Variants in RIMKLB observed in about 807,000 individuals in gnomAD.
RIMKLB encodes beta-citrylglutamate synthase B.
A neutral mutation model predicts 32.0 loss-of-function variants in RIMKLB; 7 were observed. The ratio of observed to expected loss-of-function variants is 0.22; its 90% CI spans 0.12 to 0.41. The LOEUF is 0.41. Among genes scored for constraint, RIMKLB ranks in the 10% least tolerant of loss-of-function variants. The pLI, the probability that RIMKLB is intolerant of heterozygous loss-of-function variation, is 1.00. For missense variants in RIMKLB, 289 were observed against 498.7 expected (o/e 0.58, Z 4.00); for synonymous variants, 172 against 185.1 (o/e 0.93, Z 0.57).
intron 1 of RIMKLB, among the ~76,000 whole-genome samples, chr12:8,709,044 G>A (rs117989216): frequency 6.6e-6 from 1 of 152,070 alleles, no homozygotes; most frequent in Non-Finnish European, 1.5e-5. Context: ...AATACTATAC[G>A]GTACTCATCT....
At chr12:8,735,760 C>T (rs763479737) in intron 2 of RIMKLB, among the ~76,000 whole-genome samples, 28 of 149,878 alleles carry the variant, frequency 1.9e-4, no homozygotes, top group African/African-American at 6.4e-4. Context: ...GACGTAGTTT[C>T]GCTCTTATTG....
intron 2 of RIMKLB, among the ~76,000 whole-genome samples, chr12:8,743,612 C>T (rs1442507069): frequency 6.6e-6 from 1 of 151,674 alleles, no homozygotes; most frequent in African/African-American, 2.4e-5. Context: ...TGAGGAGTTC[C>T]CCCACTTAAT....
chr12:8,703,165 A>C (rs981714308), intron 1 of RIMKLB, among the ~76,000 whole-genome samples: 1 of 152,138 alleles, frequency 6.6e-6, no homozygotes, highest in Non-Finnish European at 1.5e-5. Context: ...ACGTGCCTGT[A>C]ATTTCAGCTA....
chr12:8,753,788 G>A, intron 4 of RIMKLB, 102 bp from the exon 5 acceptor site: 1 of 872,928 alleles, frequency 1.1e-6, no homozygotes, highest in Non-Finnish European at 1.8e-6. Flanking sequence ...AAATGTAGTT[G>A]GTTCTGAAAT....
chr12:8,746,610 A>G (rs1230912034), intron 2 of RIMKLB, among the ~76,000 whole-genome samples: 3 of 151,818 alleles, frequency 2.0e-5, no homozygotes, highest in African/African-American at 7.3e-5. Context: ...AAAAAAAAAA[A>G]AAAAAAGAAA....
At chr12:8,730,006 T>G (rs1485249887) in intron 2 of RIMKLB, among the ~76,000 whole-genome samples, 1 of 152,212 alleles carries the variant, frequency 6.6e-6, no homozygotes, top group East Asian at 1.9e-4. Flanking sequence ...ATTCAAGTCC[T>G]TGGGATAATA....
At chr12:8,730,779 G>A (rs1946466268) in intron 2 of RIMKLB, among the ~76,000 whole-genome samples, 3 of 151,948 alleles carry the variant, frequency 2.0e-5, no homozygotes, top group Non-Finnish European at 2.9e-5. Context: ...TTGCTCTGTC[G>A]TCCAGGCTGG....
At chr12:8,712,293 C>T (rs746339785) in intron 1 of RIMKLB, among the ~76,000 whole-genome samples, 1 of 152,090 alleles carries the variant, frequency 6.6e-6, no homozygotes, top group Admixed American at 6.5e-5. Context: ...GGTATGGTGG[C>T]ACATGCTACT....
chr12:8,731,136 G>A (rs975924576), intron 2 of RIMKLB, among the ~76,000 whole-genome samples: 1 of 150,574 alleles, frequency 6.6e-6, no homozygotes. Flanking sequence ...CGCTCTTGTC[G>A]CCCAGGCTGG....
chr12:8,761,131 C>T (rs917436256), intron 5 of RIMKLB, among the ~76,000 whole-genome samples: 1 of 151,920 alleles, frequency 6.6e-6, no homozygotes, highest in South Asian at 2.1e-4. Context: ...GGGCCTTGAG[C>T]TCGGGAGTTT....
At chr12:8,780,368 T>A, downstream of RIMKLB, 1 of 152,202 alleles carries the variant, frequency 6.6e-6, no homozygotes, top group Non-Finnish European at 1.5e-5. Flanking sequence ...TTTTTGGAAA[T>A]TTTCCCAGCT....
intron 2 of RIMKLB, among the ~76,000 whole-genome samples, chr12:8,725,203 G>T (rs1022515003): frequency 1.3e-5 from 2 of 152,140 alleles, no homozygotes; most frequent in Non-Finnish European, 2.9e-5. Context: ...AGACTTTTCT[G>T]AAAACTCCAT....
At chr12:8,720,843 C>T (rs1945377635) in intron 2 of RIMKLB, among the ~76,000 whole-genome samples, 1 of 151,946 alleles carries the variant, frequency 6.6e-6, no homozygotes, top group African/African-American at 2.4e-5. Flanking sequence ...CCTGGCCTAC[C>T]CGTTTTAAAT....
intron 2 of RIMKLB, among the ~76,000 whole-genome samples, chr12:8,715,255 G>C (rs1944729443): frequency 7.4e-6 from 1 of 135,130 alleles, no homozygotes; most frequent in African/African-American, 3.6e-5. Flanking sequence ...TTGGAGACAG[G>C]GTCTTTGTCA....
chr12:8,745,917 A>T (rs1223689575), intron 2 of RIMKLB, among the ~76,000 whole-genome samples: 1 of 149,044 alleles, frequency 6.7e-6, no homozygotes, highest in Non-Finnish European at 1.5e-5. Flanking sequence ...CTGGTTTTGA[A>T]CTCCTGACCT....
intron 2 of RIMKLB, among the ~76,000 whole-genome samples, chr12:8,719,482 C>T (rs1176159546): frequency 6.6e-6 from 1 of 152,152 alleles, no homozygotes; most frequent in East Asian, 1.9e-4. Context: ...GATTCTCCTG[C>T]CTCAGCCTCC....
chr12:8,691,378 G>A (rs1210303624), intron 1 of RIMKLB, among the ~76,000 whole-genome samples: 1 of 152,210 alleles, frequency 6.6e-6, no homozygotes, highest in Admixed American at 6.5e-5. Context: ...GGAGGCCAAG[G>A]CAGGCAGATC....
intron 1 of RIMKLB, among the ~76,000 whole-genome samples, chr12:8,701,326 A>G (rs1219206815): frequency 6.6e-6 from 1 of 152,172 alleles, no homozygotes; most frequent in Admixed American, 6.5e-5. Context: ...TTTATATGCC[A>G]TATGTATCTG....
At chr12:8,761,738 T>A (rs956214140) in intron 5 of RIMKLB, among the ~76,000 whole-genome samples, 2 of 152,320 alleles carry the variant, frequency 1.3e-5, no homozygotes, top group South Asian at 2.1e-4. Context: ...TAGTCCTGTC[T>A]GTCAGTCCCC....
Sources: gnomAD v4.1 joint callset for allele counts (sites outside exome capture counted in the v4.1 genomes callset) on GRCh38, gnomAD v4.1.1 for gene constraint, MANE v1.5 for transcripts, NCBI Gene and HGNC (gene_info 2026-07-23, HGNC 2026-07-21) for gene names.